AAGAB: variants seen among roughly 807,000 people sequenced by gnomAD.
AAGAB encodes alpha and gamma adaptin binding protein.
A neutral mutation model predicts 44.1 loss-of-function variants in AAGAB; 38 were observed. The observed-to-expected ratio is 0.86, with a 90% CI of 0.67 to 1.13. The LOEUF is 1.13. Ranked by LOEUF, AAGAB falls within the 50% of genes most tolerant of loss-of-function variation. The probability of loss-of-function intolerance (pLI) is 0.00; values close to 1 mark genes in which losing one functional copy is unlikely to be tolerated. For synonymous variants in AAGAB, 131 were observed against 131.8 expected (o/e 0.99, Z 0.04); for missense variants, 450 against 373.8 (o/e 1.20, Z -1.68).
chr15:67,209,387 G>C lies in AAGAB; in HGVS notation c.618+75C>G, dbSNP rs1595981106. 3.4e-6 allele frequency: 4 copies of C among 1,187,594 alleles called. No homozygotes were observed. The East Asian group carries it at 9.3e-5, about 28-fold the overall frequency. 73.6% of individuals were successfully genotyped at this position (1,187,594 alleles called of 1,614,324 possible). On this transcript the variant is annotated intron_variant, in intron 6 of 9. Coordinates refer to ENST00000261880, the MANE Select transcript of AAGAB (RefSeq NM_024666.5). Reference sequence around the variant, plus strand: ...TTTAAATGGAAAGGAAAACAATGGTGAATGTGTCAAGATTCATAATGACAA... The same window carrying C: ...TTTAAATGGAAAGGAAAACAATGGTCAATGTGTCAAGATTCATAATGACAA...
Position 67,231,886 on chromosome 15 carries a change from C to T in AAGAB, c.463G>A (p.Glu155Lys). ...ELPEEDDDFP[E>K]STGVKRIVQA... Reference sequence around the variant, plus strand: ...ACAATTCGCTTTACTCCTGTAGATTCTGGGAAGTCATCTAATCAGGGAGGG... The same window carrying T: ...ACAATTCGCTTTACTCCTGTAGATTTTGGGAAGTCATCTAATCAGGGAGGG... Residue 155 changes from glutamate to lysine, a missense_variant, in exon 5 of 10, where the codon GAA (glutamate) becomes AAA (lysine). By Grantham distance (56) the Glu-to-Lys change is moderately conservative. Coordinates refer to ENST00000261880, the MANE Select transcript of AAGAB (RefSeq NM_024666.5). The T allele has an allele frequency of 6.2e-7, 1 of 1,609,826 alleles. No homozygotes were observed. The highest frequency in any genetic ancestry group is 1.1e-5 in the South Asian group (1 of 91,012).
chr15:67,229,793 T>TTG (rs1964293003), intron 5 of AAGAB, among the ~76,000 whole-genome samples: 1 of 152,048 alleles, frequency 6.6e-6, no homozygotes, highest in South Asian at 2.1e-4. Context: ...CTACTTGACC[T>TTG]TTATCACGGA....
At chr15:67,241,390 T>G (rs1396398098) in intron 1 of AAGAB, among the ~76,000 whole-genome samples, 1 of 152,210 alleles carries the variant, frequency 6.6e-6, no homozygotes, top group Non-Finnish European at 1.5e-5. Context: ...GAATGCAAAG[T>G]TGGTTTTATT....
chr15:67,201,923 T>A lies in AAGAB; in HGVS notation c.*898A>T, dbSNP rs1017442224. 4 of 152,358 alleles carry A rather than the reference T, an allele frequency of 2.6e-5. No individual in the cohort carries two copies. The highest frequency in any genetic ancestry group is 1.3e-4 in the Admixed American group (2 of 15,284). The allele number at this position is 152,358 out of a possible 1,614,324, so 9.4% of individuals were successfully genotyped here. ...CACCCACCCCTTAGTGCTCCCACTTTGGCAGTGATCTCTCTTTGGCTTTAA... is the reference window on the plus strand; with the variant it reads ...CACCCACCCCTTAGTGCTCCCACTTAGGCAGTGATCTCTCTTTGGCTTTAA... On this transcript the variant is annotated 3_prime_UTR_variant, in exon 10 of 10. Coordinates refer to ENST00000261880, the MANE Select transcript of AAGAB (RefSeq NM_024666.5).
rs1963589728 is a variant in AAGAB, at chr15:67,202,490, A to C, written c.*331T>G. On this transcript the variant is annotated 3_prime_UTR_variant, in exon 10 of 10. Coordinates refer to ENST00000261880, the MANE Select transcript of AAGAB (RefSeq NM_024666.5). The stretch of plus-strand genomic sequence containing the variant: ...GCTGGAAATGCTACTTAAAAGGTTG[A>C]CCAGGAATGGCCTGGAGGTTGTCTT... The C allele has an allele frequency of 8.1e-6, 2 of 247,726 alleles. No homozygotes were observed. The highest frequency in any genetic ancestry group is 1.6e-5 in the Non-Finnish European group (2 of 128,094). 15.3% of individuals were successfully genotyped at this position (247,726 alleles called of 1,614,324 possible).
intron 1 of AAGAB, among the ~76,000 whole-genome samples, chr15:67,238,541 T>C (rs1329285097): frequency 6.6e-6 from 1 of 152,208 alleles, no homozygotes; most frequent in African/African-American, 2.4e-5. Context: ...CGTGGCTGTG[T>C]TTCTAAGAGC....
chr15:67,239,896 A>T (rs1334620978), intron 1 of AAGAB, among the ~76,000 whole-genome samples: 1 of 152,208 alleles, frequency 6.6e-6, no homozygotes, highest in Admixed American at 6.5e-5. Context: ...GTTTCTGGAG[A>T]GCAGCTAATA....
intron 4 of AAGAB, 133 bp from the exon 5 acceptor site, chr15:67,232,030 G>A (rs1324566133): frequency 1.5e-5 from 9 of 619,362 alleles, no homozygotes; most frequent in Non-Finnish European, 2.6e-5. Context: ...AAGGAGGGCA[G>A]ATTACCTGAG....
chr15:67,238,207 T>C (rs1333193584), intron 1 of AAGAB, among the ~76,000 whole-genome samples: 1 of 152,198 alleles, frequency 6.6e-6, no homozygotes, highest in African/African-American at 2.4e-5. Flanking sequence ...AAAACCAGAA[T>C]TGTTACTCTT....
intron 1 of AAGAB, among the ~76,000 whole-genome samples, chr15:67,241,835 T>A (rs1358047829): frequency 1.3e-5 from 2 of 152,190 alleles, no homozygotes; most frequent in Non-Finnish European, 2.9e-5. Flanking sequence ...ACTGAGGAGT[T>A]AGTAAGATAC....
intron 4 of AAGAB, among the ~76,000 whole-genome samples, chr15:67,234,013 C>A (rs994046959): frequency 6.6e-6 from 1 of 150,428 alleles, no homozygotes; most frequent in Non-Finnish European, 1.5e-5. Flanking sequence ...GAGGCCGAGG[C>A]AGGTGGATCA....
At chr15:67,243,526 G>C (rs1964653322) in intron 1 of AAGAB, among the ~76,000 whole-genome samples, 1 of 152,150 alleles carries the variant, frequency 6.6e-6, no homozygotes, top group Non-Finnish European at 1.5e-5. Context: ...CATCACAATA[G>C]GGGGATGCCA....
intron 5 of AAGAB, among the ~76,000 whole-genome samples, chr15:67,222,080 T>C (rs779079151): frequency 1.3e-5 from 2 of 152,186 alleles, no homozygotes; most frequent in African/African-American, 2.4e-5. Context: ...CCCACTCCAA[T>C]TGACTTCCAC....
At chr15:67,221,949 C>T (rs7161888) in intron 5 of AAGAB, among the ~76,000 whole-genome samples, 10,247 of 151,712 alleles carry the variant, frequency 0.068, 524 homozygotes, top group East Asian at 0.19. Context: ...TAACCACAAC[C>T]CCTCCATCAT....
chr15:67,250,713 G>A (rs1964843906), intron 1 of AAGAB, among the ~76,000 whole-genome samples: 1 of 152,180 alleles, frequency 6.6e-6, no homozygotes, highest in Non-Finnish European at 1.5e-5. Flanking sequence ...AGCATCCTGA[G>A]GCTTCATTTC....
intron 5 of AAGAB, among the ~76,000 whole-genome samples, chr15:67,223,611 C>T (rs948246956): frequency 6.6e-6 from 1 of 152,160 alleles, no homozygotes; most frequent in Non-Finnish European, 1.5e-5. Context: ...TTGTAATAGG[C>T]CCCTAAGAGA....
intron 5 of AAGAB, chr15:67,221,271 G>A (rs1964059018): frequency 6.6e-6 from 1 of 152,196 alleles, no homozygotes; most frequent in Non-Finnish European, 1.5e-5. Context: ...ATCATTGACA[G>A]ATAAAATTTT....
chr15:67,216,160 T>C (rs1360178842), intron 5 of AAGAB, among the ~76,000 whole-genome samples: 1 of 151,820 alleles, frequency 6.6e-6, no homozygotes, highest in Non-Finnish European at 1.5e-5. Flanking sequence ...AGAAGAAAAT[T>C]AGGCCAGGCA....
chr15:67,245,886 A>T (rs1419714152), intron 1 of AAGAB, among the ~76,000 whole-genome samples: 1 of 152,188 alleles, frequency 6.6e-6, no homozygotes, highest in African/African-American at 2.4e-5. Context: ...CAGAACAGCC[A>T]CCCTGTTACA....
Sources: gnomAD v4.1 joint callset for allele counts (sites outside exome capture counted in the v4.1 genomes callset) on GRCh38, gnomAD v4.1.1 for gene constraint, MANE v1.5 for transcripts, NCBI Gene and HGNC (gene_info 2026-07-23, HGNC 2026-07-21) for gene names.